UBR3: variants seen among roughly 807,000 people sequenced by gnomAD.
UBR3 encodes ubiquitin protein ligase E3 component n-recognin 3.
UBR3 carries 85 observed loss-of-function variants against 243.2 expected under a neutral mutation model. The observed-to-expected ratio is 0.35, with a 90% CI of 0.29 to 0.42. The LOEUF (loss-of-function observed/expected upper bound fraction) is 0.42. UBR3 is among the 10% of genes least tolerant of loss of function. The pLI is 1.00. For missense variants in UBR3, 1,686 were observed against 2,300.8 expected (o/e 0.73, Z 5.47); for synonymous variants, 748 against 799.8 (o/e 0.94, Z 1.09).
intron 1 of UBR3, among the ~76,000 whole-genome samples, chr2:169,870,319 G>C (rs1415166426): frequency 6.6e-6 from 1 of 152,020 alleles, no homozygotes; most frequent in Non-Finnish European, 1.5e-5. Context: ...TTGGTAGACT[G>C]GGTCTCGCTA....
chr2:170,012,937 G>C (rs564148196), intron 29 of UBR3, among the ~76,000 whole-genome samples: 2 of 152,156 alleles, frequency 1.3e-5, no homozygotes, highest in African/African-American at 4.8e-5. Flanking sequence ...TAGTTAGAGG[G>C]GTTTTTAATG....
At chr2:170,076,096 G>T (rs1398402381) in intron 36 of UBR3, among the ~76,000 whole-genome samples, 1 of 152,090 alleles carries the variant, frequency 6.6e-6, no homozygotes, top group African/African-American at 2.4e-5. Context: ...CATGCTCAAG[G>T]TTCAGATTCC....
chr2:169,871,527 T>C (rs956947774), intron 1 of UBR3, among the ~76,000 whole-genome samples: 2 of 151,918 alleles, frequency 1.3e-5, no homozygotes, highest in African/African-American at 4.8e-5. Flanking sequence ...GCGGAGCACC[T>C]GAGGTCAGTA....
Position 169,977,228 on chromosome 2 carries a change from T to C in UBR3, c.3635-9417T>C, listed in dbSNP as rs116536914. Among the ~76,000 whole-genome samples, 1,195 of 152,308 alleles carry C rather than the reference T, an allele frequency of 7.8e-3. 11 individuals are homozygous for C. Among genetic ancestry groups the C allele is most frequent in the African/African-American group, 0.027 (1,120 of 41,566 alleles). On this transcript the variant is annotated intron_variant, in intron 24 of 38. Coordinates refer to ENST00000272793, the MANE Select transcript of UBR3 (RefSeq NM_172070.4). The stretch of plus-strand genomic sequence containing the variant: ...TTTTCCTGGCAATTTGTTGATTTCC[T>C]TTTCATTTGGGTCTGTTACTAGAGA...
At chr2:169,869,978 G>T (rs1230056470) in intron 1 of UBR3, among the ~76,000 whole-genome samples, 1 of 151,866 alleles carries the variant, frequency 6.6e-6, no homozygotes, top group African/African-American at 2.4e-5. Context: ...AGAAGCTTTT[G>T]ATTTACATAG....
intron 25 of UBR3, among the ~76,000 whole-genome samples, chr2:169,992,743 G>C (rs2089326170): frequency 6.6e-6 from 1 of 152,054 alleles, no homozygotes; most frequent in African/African-American, 2.4e-5. Context: ...CTAAGAACAA[G>C]GTTATTCTTT....
intron 25 of UBR3, among the ~76,000 whole-genome samples, chr2:169,989,768 G>T (rs536841593): frequency 3.9e-5 from 6 of 152,190 alleles, no homozygotes; most frequent in African/African-American, 1.2e-4. Flanking sequence ...GTACTTTCAG[G>T]TATCATTAGT....
At chr2:170,032,855 C>T (rs1215758631) in intron 31 of UBR3, among the ~76,000 whole-genome samples, 3 of 151,804 alleles carry the variant, frequency 2.0e-5, no homozygotes, top group Admixed American at 6.6e-5. Flanking sequence ...TTTTACCCTT[C>T]GTAATTACTA....
chr2:170,081,476 G>A (rs1466996094), intron 38 of UBR3, among the ~76,000 whole-genome samples: 1 of 151,908 alleles, frequency 6.6e-6, no homozygotes, highest in Non-Finnish European at 1.5e-5. Flanking sequence ...CTCCAGCCTG[G>A]GTGACAGAGT....
intron 11 of UBR3, among the ~76,000 whole-genome samples, chr2:169,923,317 G>C (rs2085777698): frequency 6.6e-6 from 1 of 152,124 alleles, no homozygotes; most frequent in South Asian, 2.1e-4. Context: ...TTACAGTTTT[G>C]AATATGACAG....
rs187419751 is a variant in UBR3, at chr2:169,970,293, C to G, written c.3634+11767C>G. ...GTTTTTTTCTTGATTTCTTTTTCTGCTAGTTTATTATTGATGTATAGAAAC... is the reference window on the plus strand; with the variant it reads ...GTTTTTTTCTTGATTTCTTTTTCTGGTAGTTTATTATTGATGTATAGAAAC... On this transcript the variant is annotated intron_variant, in intron 24 of 38. Transcript: ENST00000272793. Among the ~76,000 whole-genome samples the G allele has an allele frequency of 3.3e-3, 401 of 122,920 alleles. 3 individuals are homozygous for G. Among genetic ancestry groups the G allele is most frequent in the African/African-American group, 0.012 (378 of 32,112 alleles). 80.6% of individuals were successfully genotyped at this position (122,920 alleles called of 152,430 possible).
At chr2:169,857,091 T>TTTTTTTTTTTTG (rs2082911942) in intron 1 of UBR3, among the ~76,000 whole-genome samples, 1 of 118,594 alleles carries the variant, frequency 8.4e-6, no homozygotes, top group Admixed American at 8.4e-5. Context: ...TTTTTTTTTT[T>TTTTTTTTTTTTG]GAGACGGAGT....
chr2:169,954,852 C>T (rs569848087), intron 23 of UBR3, among the ~76,000 whole-genome samples: 5 of 152,228 alleles, frequency 3.3e-5, no homozygotes, highest in South Asian at 2.1e-4. Context: ...GGATTACAGG[C>T]GTGAGGCACT....
At chr2:169,911,100 A>G (rs535813988) in intron 10 of UBR3, among the ~76,000 whole-genome samples, 1 of 152,198 alleles carries the variant, frequency 6.6e-6, no homozygotes, top group Non-Finnish European at 1.5e-5. Flanking sequence ...TCTTGAAAAC[A>G]TTAAGGGCTA....
intron 1 of UBR3, among the ~76,000 whole-genome samples, chr2:169,865,873 G>A (rs1476537468): frequency 6.6e-6 from 1 of 152,058 alleles, no homozygotes; most frequent in Non-Finnish European, 1.5e-5. Flanking sequence ...TTACAGGCTG[G>A]GCACGGTGGC....
intron 19 of UBR3, among the ~76,000 whole-genome samples, chr2:169,937,798 A>T (rs923016223): frequency 6.6e-6 from 1 of 152,114 alleles, no homozygotes; most frequent in Non-Finnish European, 1.5e-5. Flanking sequence ...TCTGAATTTT[A>T]ATATAGGGTG....
chr2:169,975,658 A>G lies in UBR3; in HGVS notation c.3635-10987A>G, dbSNP rs188594936. 2.6e-5 allele frequency among the ~76,000 whole-genome samples: 4 copies of G among 152,144 alleles called. 1 individual carries two copies. The East Asian group carries it at 5.8e-4, about 22-fold the overall frequency. On this transcript the variant is annotated intron_variant, in intron 24 of 38. Transcript: ENST00000272793. Reference sequence around the variant, plus strand: ...GTGCATATGTATTTAGAATTGTTGTATCCTCTTGTCTGGGTGTGGTACCTT... The same window carrying G: ...GTGCATATGTATTTAGAATTGTTGTGTCCTCTTGTCTGGGTGTGGTACCTT...
At chr2:169,856,253 T>G (rs571984578) in intron 1 of UBR3, among the ~76,000 whole-genome samples, 6,534 of 146,564 alleles carry the variant, frequency 0.045, 162 homozygotes, top group Middle Eastern at 0.074. Context: ...GGGCAGAGGC[T>G]CTTCCCATAT....
chr2:170,015,098 A>G, intron 29 of UBR3, 183 bp from the exon 30 acceptor site: 2 of 508,308 alleles, frequency 3.9e-6, no homozygotes, highest in Admixed American at 7.3e-5. Context: ...GGATGGATAA[A>G]TTGTTCCCTT....
Sources: allele counts gnomAD v4.1 joint callset (sites outside exome capture counted in the v4.1 genomes callset), GRCh38; gene constraint gnomAD v4.1.1; transcripts MANE v1.5; gene names NCBI Gene and HGNC (gene_info 2026-07-23, HGNC 2026-07-21).